CNOT10: variants seen among roughly 807,000 people sequenced by gnomAD.
CNOT10 encodes CCR4-NOT transcription complex, subunit 10.
In CNOT10, 30 loss-of-function variants were observed where a neutral mutation model predicts 94.6. The observed-to-expected ratio is 0.32, with a 90% confidence interval of 0.24 to 0.43. The LOEUF is 0.43. Ranked by LOEUF, CNOT10 falls within the 20% of genes least tolerant of loss-of-function variation. The pLI is 1.00. For synonymous variants in CNOT10, 289 were observed against 301.6 expected (o/e 0.96, Z 0.43); for missense variants, 759 against 877.2 (o/e 0.87, Z 1.70).
chr3:32,738,995 A>G (rs1699327293), intron 13 of CNOT10, among the ~76,000 whole-genome samples: 1 of 149,014 alleles, frequency 6.7e-6, no homozygotes, highest in Non-Finnish European at 1.5e-5. Context: ...ACCTCTGCCT[A>G]CCAGTTTCAG....
intron 13 of CNOT10, among the ~76,000 whole-genome samples, chr3:32,758,432 TG>T (rs1700306119): frequency 6.6e-6 from 1 of 152,220 alleles, no homozygotes; most frequent in Admixed American, 6.5e-5. Flanking sequence ...CTTTTGAATT[TG>T]CCCAGCTGTG....
intron 13 of CNOT10, among the ~76,000 whole-genome samples, chr3:32,747,351 A>T (rs1318846851): frequency 3.3e-5 from 5 of 152,106 alleles, no homozygotes; most frequent in Non-Finnish European, 7.4e-5. Flanking sequence ...CAGGAGGTGG[A>T]GGTGGAGGTT....
intron 14 of CNOT10, among the ~76,000 whole-genome samples, chr3:32,760,469 T>C (rs1700395450): frequency 6.6e-6 from 1 of 151,680 alleles, no homozygotes; most frequent in Non-Finnish European, 1.5e-5. Context: ...CCATCTCTAC[T>C]AAAAATACAA....
chr3:32,768,805 C>G (rs959496017), intron 17 of CNOT10, among the ~76,000 whole-genome samples: 2 of 152,184 alleles, frequency 1.3e-5, no homozygotes, highest in Non-Finnish European at 2.9e-5. Context: ...TCTCCTAATG[C>G]TGCCAGAAAC....
chr3:32,741,465 C>T (rs1273460760), intron 13 of CNOT10, among the ~76,000 whole-genome samples: 1 of 151,986 alleles, frequency 6.6e-6, no homozygotes, highest in Non-Finnish European at 1.5e-5. Context: ...AGTTACATGT[C>T]TAATATTTTA....
chr3:32,749,970 A>G (rs1433398785), intron 13 of CNOT10, among the ~76,000 whole-genome samples: 1 of 152,130 alleles, frequency 6.6e-6, no homozygotes, highest in Admixed American at 6.6e-5. Flanking sequence ...TGATCCCAGC[A>G]CTTTGAGAGG....
intron 9 of CNOT10, among the ~76,000 whole-genome samples, chr3:32,726,132 A>G (rs1257455350): frequency 1.3e-5 from 2 of 152,036 alleles, no homozygotes; most frequent in African/African-American, 4.8e-5. Context: ...TTTTGTAAAG[A>G]TAGGGTTTCA....
chr3:32,753,632 T>G, intron 13 of CNOT10: 1 of 1,572,204 alleles, frequency 6.4e-7, no homozygotes, highest in Non-Finnish European at 8.7e-7. Flanking sequence ...GTAAAGCACC[T>G]ACATCCATCA....
In CNOT10 at chr3:32,755,339, A is replaced by G. The variant is rs1393284572; in HGVS notation, c.1596-4119A>G. 5.3e-5 allele frequency among the ~76,000 whole-genome samples: 6 copies of G among 114,278 alleles called. No individual in the cohort carries two copies. The East Asian group carries it at 1.5e-3, about 29-fold the overall frequency. The allele number at this position is 114,278 out of a possible 152,430, so 75.0% of individuals were successfully genotyped here. Reference sequence around the variant, plus strand: ...TTTTTCTTTTTTTTTTTTTTTTGAGACAGAGTTTCGCTCTTGTTGCCCAGG... The same window carrying G: ...TTTTTCTTTTTTTTTTTTTTTTGAGGCAGAGTTTCGCTCTTGTTGCCCAGG... On this transcript the variant is annotated intron_variant, in intron 13 of 18. Transcript: ENST00000328834.
chr3:32,745,624 T>C (rs548006457), intron 13 of CNOT10, among the ~76,000 whole-genome samples: 2 of 152,344 alleles, frequency 1.3e-5, no homozygotes, highest in South Asian at 2.1e-4. Context: ...AACCTAGACA[T>C]AGCCCAGGTA....
intron 1 of CNOT10, among the ~76,000 whole-genome samples, chr3:32,700,036 C>A (rs374017939): frequency 8.2e-5 from 12 of 146,430 alleles, no homozygotes; most frequent in African/African-American, 3.1e-4. Context: ...AGTGCAGTGG[C>A]ATGATCTCGG....
At chr3:32,688,447 A>T (rs1015542476) in intron 1 of CNOT10, among the ~76,000 whole-genome samples, 2 of 151,920 alleles carry the variant, frequency 1.3e-5, no homozygotes, top group African/African-American at 4.8e-5. Context: ...AAATACAAAA[A>T]TTAGCCAGGC....
At chr3:32,687,439 GTTTTTTTTTTTTGTTTTTT>G (rs1696657111) in intron 1 of CNOT10, among the ~76,000 whole-genome samples, 1 of 51,320 alleles carries the variant, frequency 1.9e-5, no homozygotes, top group African/African-American at 7.3e-5. Context: ...AGTCCTCACG[GTTTTTTTTTTTTGTTTTTT>G]TTTTTTTTTT....
At chr3:32,762,890 C>T in intron 15 of CNOT10, 27 bp downstream of exon 15, 1 of 1,487,046 alleles carries the variant, frequency 6.7e-7, no homozygotes, top group Non-Finnish European at 8.9e-7. Context: ...TTGATCAGAA[C>T]TGGTCACTGT....
At chr3:32,743,276 C>T (rs1699552672) in intron 13 of CNOT10, among the ~76,000 whole-genome samples, 1 of 151,962 alleles carries the variant, frequency 6.6e-6, no homozygotes, top group Admixed American at 6.6e-5. Flanking sequence ...CATGAGCCAC[C>T]CACCCAGCTT....
At chr3:32,746,836 CAAAAAA>C (rs71630540) in intron 13 of CNOT10, among the ~76,000 whole-genome samples, 5 of 84,160 alleles carry the variant, frequency 5.9e-5, no homozygotes, top group African/African-American at 4.7e-5. Flanking sequence ...GACTCCGTCT[CAAAAAA>C]AAAAAAAAAA....
intron 8 of CNOT10, among the ~76,000 whole-genome samples, chr3:32,721,972 A>G (rs1413514395): frequency 2.0e-5 from 3 of 152,070 alleles, no homozygotes; most frequent in African/African-American, 7.2e-5. Flanking sequence ...TCTTGCCTCT[A>G]TTTAGACTAA....
intron 7 of CNOT10, among the ~76,000 whole-genome samples, chr3:32,718,060 T>C (rs1199231672): frequency 6.6e-6 from 1 of 151,976 alleles, no homozygotes; most frequent in African/African-American, 2.4e-5. Context: ...AGAAACAGAA[T>C]TGTGAACAAT....
At chr3:32,709,058 T>C (rs185748196) in intron 4 of CNOT10, among the ~76,000 whole-genome samples, 5 of 152,312 alleles carry the variant, frequency 3.3e-5, no homozygotes, top group Admixed American at 6.5e-5. Context: ...CTGAAAACAC[T>C]TAGTGATGTT....
Sources: allele counts gnomAD v4.1 joint callset (sites outside exome capture counted in the v4.1 genomes callset), GRCh38; gene constraint gnomAD v4.1.1; transcripts MANE v1.5; gene names NCBI Gene and HGNC (gene_info 2026-07-23, HGNC 2026-07-21).